CHCHD6: variants seen among roughly 807,000 people sequenced by gnomAD.
CHCHD6 encodes the protein coiled-coil-helix-coiled-coil-helix domain containing 6.
A neutral mutation model predicts 32.3 loss-of-function variants in CHCHD6; 28 were observed. The ratio of observed to expected loss-of-function variants is 0.87; its 90% CI spans 0.64 to 1.19. The LOEUF is 1.19. Ranked by LOEUF, CHCHD6 falls within the 50% of genes most tolerant of loss-of-function variation. The probability of loss-of-function intolerance (pLI) is 0.00; values close to 1 mark genes in which losing one functional copy is unlikely to be tolerated. For synonymous variants in CHCHD6, 122 were observed against 117.5 expected, an observed-to-expected ratio of 1.04 and a Z score of -0.25; for missense variants, 333 against 307.0, an observed-to-expected ratio of 1.08 and a Z score of -0.63.
At chr3:126,862,150 A>C (rs1369951770) in intron 5 of CHCHD6, among the ~76,000 whole-genome samples, 2 of 36,546 alleles carry the variant, frequency 5.5e-5, no homozygotes, top group Non-Finnish European at 1.0e-4. Flanking sequence ...CACCATCACC[A>C]CCTCCCCCTC....
chr3:126,789,442 G>A (rs1301113100), intron 4 of CHCHD6, among the ~76,000 whole-genome samples: 2 of 152,036 alleles, frequency 1.3e-5, no homozygotes, highest in Admixed American at 1.3e-4. Context: ...TCCCATCATT[G>A]TTGTGTGGGA....
intron 5 of CHCHD6, among the ~76,000 whole-genome samples, chr3:126,866,787 T>G (rs1169296211): frequency 6.6e-6 from 1 of 152,232 alleles, no homozygotes; most frequent in African/African-American, 2.4e-5. Flanking sequence ...AGTACTTTCA[T>G]GCAAACCCCA....
Position 126,851,436 on chromosome 3 carries a change from G to C in CHCHD6, c.412-1211G>C, listed in dbSNP as rs149140714. On this transcript the variant is annotated intron_variant, in intron 4 of 7. Coordinates refer to ENST00000290913, the MANE Select transcript of CHCHD6 (RefSeq NM_032343.3). ...AACTTAGGTTCACAGTCTACCGCTGGCTAGCTTGTGCTCTTGTGGGTAGTG... is the reference window on the plus strand; with the variant it reads ...AACTTAGGTTCACAGTCTACCGCTGCCTAGCTTGTGCTCTTGTGGGTAGTG... 4.6e-3 allele frequency among the ~76,000 whole-genome samples: 706 copies of C among 152,352 alleles called. 5 individuals carry two copies. Among genetic ancestry groups the C allele is most frequent in the African/African-American group, 0.015 (628 of 41,576 alleles).
chr3:126,887,135 G>A (rs536564312), intron 5 of CHCHD6, among the ~76,000 whole-genome samples: 2 of 152,274 alleles, frequency 1.3e-5, no homozygotes, highest in East Asian at 3.9e-4. Flanking sequence ...CTGTGAATCA[G>A]CATAGCAGAA....
rs869129860 is a variant in CHCHD6, at chr3:126,919,310, C to CTTTTTT, written c.566+4561_566+4566dup. ...TAATTTTTTTTCTACTATTTCTTTT[C>CTTTTTT]TTTTTTCTTTTTTTTTTTTTTTTGA... On this transcript the variant is annotated intron_variant, in intron 6 of 7. Coordinates refer to ENST00000290913, the MANE Select transcript of CHCHD6 (RefSeq NM_032343.3). Among the ~76,000 whole-genome samples the CTTTTTT allele has an allele frequency of 1.7e-4, 5 of 29,230 alleles. 1 individual carries two copies. Among genetic ancestry groups the CTTTTTT allele is most frequent in the Non-Finnish European group, 4.0e-4 (3 of 7,540 alleles). The allele number at this position is 29,230 out of a possible 152,430, so 19.2% of individuals were successfully genotyped here.
intron 4 of CHCHD6, among the ~76,000 whole-genome samples, chr3:126,795,230 T>G (rs536942927): frequency 6.6e-6 from 1 of 152,318 alleles, no homozygotes; most frequent in East Asian, 1.9e-4. Context: ...GAATCCCAGT[T>G]CTGTCATTTA....
intron 5 of CHCHD6, among the ~76,000 whole-genome samples, chr3:126,906,121 G>A (rs1463542768): frequency 6.6e-6 from 1 of 152,152 alleles, no homozygotes; most frequent in Non-Finnish European, 1.5e-5. Context: ...CACTCCAGCT[G>A]CTGTCTTGAC....
chr3:126,845,655 CTGTT>C (rs1361168034), intron 4 of CHCHD6, among the ~76,000 whole-genome samples: 5 of 151,976 alleles, frequency 3.3e-5, no homozygotes, highest in East Asian at 1.9e-4. Flanking sequence ...ATTCTTTTGT[CTGTT>C]TGTGTTTTAA....
chr3:126,948,138 G>A (rs1161344417), intron 6 of CHCHD6, among the ~76,000 whole-genome samples: 14 of 152,204 alleles, frequency 9.2e-5, no homozygotes. Context: ...CTACTTCTGG[G>A]AAACGGGTCC....
rs150623969 is a variant in CHCHD6, at chr3:126,911,726, A to C, written c.496-2954A>C. Reference sequence around the variant, plus strand: ...TGCAATCAAACCCAAGCACTATCCAAATTCACCGGGGCCAGGCTGTTTCTG... The same window carrying C: ...TGCAATCAAACCCAAGCACTATCCACATTCACCGGGGCCAGGCTGTTTCTG... On this transcript the variant is annotated intron_variant, in intron 5 of 7. Coordinates refer to ENST00000290913, the MANE Select transcript of CHCHD6 (RefSeq NM_032343.3). Among the ~76,000 whole-genome samples the C allele has an allele frequency of 2.6e-5, 4 of 152,310 alleles. No individual in the cohort carries two copies. The East Asian group carries it at 5.8e-4, about 22-fold the overall frequency.
chr3:126,756,295 T>C (rs977697814), intron 4 of CHCHD6, among the ~76,000 whole-genome samples: 1 of 152,180 alleles, frequency 6.6e-6, no homozygotes, highest in African/African-American at 2.4e-5. Flanking sequence ...TGAGAATCAA[T>C]AGTTTTTGTA....
At chr3:126,793,978 C>A (rs1431829509) in intron 4 of CHCHD6, among the ~76,000 whole-genome samples, 1 of 152,194 alleles carries the variant, frequency 6.6e-6, no homozygotes, top group South Asian at 2.1e-4. Context: ...CATTTTCTCC[C>A]ATAGGTAATG....
intron 4 of CHCHD6, among the ~76,000 whole-genome samples, chr3:126,845,387 T>C (rs1462805943): frequency 1.3e-5 from 2 of 152,224 alleles, no homozygotes; most frequent in Non-Finnish European, 2.9e-5. Context: ...AAAAACATAA[T>C]CTACGTTCAA....
chr3:126,925,747 T>G (rs1477424700), intron 6 of CHCHD6, among the ~76,000 whole-genome samples: 1 of 152,204 alleles, frequency 6.6e-6, no homozygotes, highest in Non-Finnish European at 1.5e-5. Flanking sequence ...TGGCTTACTC[T>G]CATAACCCCT....
intron 1 of CHCHD6, among the ~76,000 whole-genome samples, chr3:126,705,567 C>A (rs1934445847): frequency 6.6e-6 from 1 of 152,164 alleles, no homozygotes; most frequent in Non-Finnish European, 1.5e-5. Flanking sequence ...AATTCCAGGG[C>A]ATGTTGCTGT....
intron 6 of CHCHD6, among the ~76,000 whole-genome samples, chr3:126,932,289 G>A (rs923246736): frequency 2.0e-5 from 3 of 152,160 alleles, no homozygotes; most frequent in African/African-American, 7.2e-5. Context: ...CAGAATCATG[G>A]AATAGAGTCC....
chr3:126,903,286 A>G (rs2077957260), intron 5 of CHCHD6, among the ~76,000 whole-genome samples: 1 of 152,210 alleles, frequency 6.6e-6, no homozygotes, highest in Admixed American at 6.5e-5. Flanking sequence ...TCTGATGCAG[A>G]GAACCACCCC....
Position 126,957,437 on chromosome 3 carries a change from C to A in CHCHD6, c.588C>A (p.Val196=). The A allele has an allele frequency of 6.2e-7, 1 of 1,611,700 alleles. No homozygotes were observed. Among genetic ancestry groups the A allele is most frequent in the Non-Finnish European group, 8.5e-7 (1 of 1,179,292 alleles). ...GCAGGCCCCGCAGGGTGGAGCCCGTCTGCTCAGGGTTGCAGGCCCAGATTC... is the reference window on the plus strand; with the variant it reads ...GCAGGCCCCGCAGGGTGGAGCCCGTATGCTCAGGGTTGCAGGCCCAGATTC... The part of the protein sequence containing the change: ...STIKPRRVEP[V]CSGLQAQILH... Residue 196 remains valine, a synonymous_variant, in exon 7 of 8, where the codon GTC becomes GTA. Transcript: ENST00000290913.
chr3:126,769,890 A>G (rs1937513302), intron 4 of CHCHD6, among the ~76,000 whole-genome samples: 1 of 152,248 alleles, frequency 6.6e-6, no homozygotes, highest in African/African-American at 2.4e-5. Context: ...GTAATTTGAT[A>G]GGAATAGCAT....
Sources: gnomAD v4.1 joint callset for allele counts (sites outside exome capture counted in the v4.1 genomes callset) on GRCh38, gnomAD v4.1.1 for gene constraint, MANE v1.5 for transcripts, NCBI Gene and HGNC (gene_info 2026-07-23, HGNC 2026-07-21) for gene names.